FHOD3: variants seen among roughly 807,000 people sequenced by gnomAD.
FHOD3 encodes FH1/FH2 domain-containing protein 3.
Under a neutral mutation model 173.0 loss-of-function variants are expected in FHOD3, and 90 were observed. The observed-to-expected ratio is 0.52, with a 90% CI of 0.44 to 0.62. The LOEUF (loss-of-function observed/expected upper bound fraction) is 0.62, where lower values mean the gene tolerates loss of function less well. Ranked by LOEUF, FHOD3 falls within the 20% of genes least tolerant of loss-of-function variation. The pLI is 0.00. For missense variants in FHOD3, 1,945 were observed against 2,034.7 expected (o/e 0.96, Z 0.85); for synonymous variants, 828 against 823.0 (o/e 1.01, Z -0.10).
intron 1 of FHOD3, among the ~76,000 whole-genome samples, chr18:36,316,509 A>G (rs912832402): frequency 2.0e-5 from 3 of 152,230 alleles, no homozygotes; most frequent in Non-Finnish European, 2.9e-5. Flanking sequence ...TGAGCTGTCT[A>G]TATATATTCC....
chr18:36,606,525 C>A (rs778072245), intron 8 of FHOD3, among the ~76,000 whole-genome samples: 16 of 152,090 alleles, frequency 1.1e-4, no homozygotes, highest in Non-Finnish European at 1.8e-4. Context: ...CTTTGGGGGG[C>A]ATATTAAAAC....
chr18:36,642,541 C>A (rs1381835006), intron 10 of FHOD3, among the ~76,000 whole-genome samples: 1 of 144,934 alleles, frequency 6.9e-6, no homozygotes, highest in African/African-American at 2.6e-5. Context: ...CGAGAGAGCG[C>A]CGCTGCACTC....
intron 5 of FHOD3, among the ~76,000 whole-genome samples, chr18:36,568,549 CTT>C (rs1448959569): frequency 4.6e-5 from 7 of 151,820 alleles, no homozygotes; most frequent in African/African-American, 1.2e-4. Flanking sequence ...ATAGCAGTGA[CTT>C]TGAGAACTGA....
chr18:36,362,413 A>G (rs2145885886), intron 2 of FHOD3, among the ~76,000 whole-genome samples: 1 of 152,282 alleles, frequency 6.6e-6, no homozygotes, highest in South Asian at 2.1e-4. Context: ...TAGTTAGGGA[A>G]ATAGTGAGGT....
intron 1 of FHOD3, among the ~76,000 whole-genome samples, chr18:36,351,875 G>A (rs1392594245): frequency 1.3e-5 from 2 of 152,170 alleles, no homozygotes; most frequent in African/African-American, 2.4e-5. Flanking sequence ...TACATCTGCT[G>A]GCCACTAGTA....
chr18:36,440,928 C>T (rs1423092264), intron 3 of FHOD3, among the ~76,000 whole-genome samples: 1 of 152,218 alleles, frequency 6.6e-6, no homozygotes, highest in African/African-American at 2.4e-5. Flanking sequence ...CTCCACCCGC[C>T]ACCCTCCTGC....
At chr18:36,402,557 C>T (rs938287279) in intron 3 of FHOD3, among the ~76,000 whole-genome samples, 6 of 138,266 alleles carry the variant, frequency 4.3e-5, no homozygotes, top group African/African-American at 1.1e-4. Context: ...ATGAAAATAC[C>T]CCAGAGAGGA....
At chr18:36,737,332 A>G (rs968429480) in intron 20 of FHOD3, among the ~76,000 whole-genome samples, 8 of 152,242 alleles carry the variant, frequency 5.3e-5, no homozygotes, top group African/African-American at 1.9e-4. Flanking sequence ...TGCCAGAAAC[A>G]ATGGCAGTGC....
In FHOD3 at chr18:36,374,311, G is replaced by A. The variant is rs138671178; in HGVS notation, c.337+1567G>A. On this transcript the variant is annotated intron_variant, in intron 3 of 28. Coordinates refer to ENST00000590592, the MANE Select transcript of FHOD3 (RefSeq NM_001281740.3). ...GGCATGCTGAGCACCGACAGCCTCT[G>A]AAGCCCACACTCAACCAGGACACAC... Among the ~76,000 whole-genome samples, 1,160 of 152,318 alleles carry A rather than the reference G, an allele frequency of 7.6e-3. 5 individuals are homozygous for A. The highest frequency in any genetic ancestry group is 0.013 in the Non-Finnish European group (867 of 68,034).
chr18:36,305,458 C>T (rs895360272), intron 1 of FHOD3, among the ~76,000 whole-genome samples: 10 of 152,172 alleles, frequency 6.6e-5, no homozygotes, highest in Non-Finnish European at 1.2e-4. Context: ...ATATCTTTAA[C>T]GTTCTTGAAG....
chr18:36,423,142 C>T (rs553664763), intron 3 of FHOD3, among the ~76,000 whole-genome samples: 3 of 152,194 alleles, frequency 2.0e-5, no homozygotes, highest in Non-Finnish European at 4.4e-5. Flanking sequence ...ATGTTCAAAT[C>T]CTCATTCTGC....
chr18:36,593,115 G>A (rs1424497873), intron 6 of FHOD3, among the ~76,000 whole-genome samples: 1 of 152,210 alleles, frequency 6.6e-6, no homozygotes, highest in Non-Finnish European at 1.5e-5. Context: ...CAGAGGCAGA[G>A]GAAGTTGTTT....
At position 36,661,305 on chromosome 18, in the gene FHOD3, A is replaced by C. The variant is rs180688732; in HGVS notation, c.1835+3117A>C. On this transcript the variant is annotated intron_variant, in intron 14 of 28. Coordinates refer to ENST00000590592, the MANE Select transcript of FHOD3 (RefSeq NM_001281740.3). ...CCCATAATCTAATTTCACCTATGCA[A>C]GTATTTTTTGCCCATTAAGATGTGT... Among the ~76,000 whole-genome samples the C allele has an allele frequency of 4.5e-4, 69 of 152,236 alleles. 1 individual carries two copies. The highest frequency in any genetic ancestry group is 4.1e-3 in the Admixed American group (63 of 15,274).
chr18:36,557,435 C>T (rs970018467), intron 5 of FHOD3, among the ~76,000 whole-genome samples: 4 of 152,000 alleles, frequency 2.6e-5, no homozygotes, highest in African/African-American at 9.7e-5. Flanking sequence ...TTCCATTAAT[C>T]GCATCCAGTG....
chr18:36,649,196 A>C, intron 10 of FHOD3, 120 bp from the exon 11 acceptor site: 1 of 556,988 alleles, frequency 1.8e-6, no homozygotes, highest in Non-Finnish European at 2.9e-6. Context: ...TTTTTTAATT[A>C]TTATTATTTC....
chr18:36,570,088 T>C (rs1001391689), intron 5 of FHOD3, among the ~76,000 whole-genome samples: 1 of 150,426 alleles, frequency 6.6e-6, no homozygotes, highest in African/African-American at 2.4e-5. Flanking sequence ...GAGAAAAAAA[T>C]AGAGAAAATC....
intron 14 of FHOD3, among the ~76,000 whole-genome samples, chr18:36,672,328 A>T (rs1199784807): frequency 6.6e-6 from 1 of 152,134 alleles, no homozygotes; most frequent in East Asian, 1.9e-4. Flanking sequence ...TTACCTCATG[A>T]TCTTATGGGT....
intron 1 of FHOD3, among the ~76,000 whole-genome samples, chr18:36,316,883 C>A (rs923903436): frequency 2.6e-5 from 4 of 152,028 alleles, no homozygotes; most frequent in African/African-American, 7.3e-5. Context: ...GCCCCCCCAC[C>A]CCCTGACAGG....
intron 3 of FHOD3, among the ~76,000 whole-genome samples, chr18:36,467,467 G>T (rs558875319): frequency 6.6e-6 from 1 of 152,082 alleles, no homozygotes; most frequent in African/African-American, 2.4e-5. Flanking sequence ...TCCAGCTTGG[G>T]GTCCCCTTCT....
Sources: allele counts gnomAD v4.1 joint callset (sites outside exome capture counted in the v4.1 genomes callset), GRCh38; gene constraint gnomAD v4.1.1; transcripts MANE v1.5; gene names NCBI Gene and HGNC (gene_info 2026-07-23, HGNC 2026-07-21).